MACROD2: variants seen among roughly 807,000 people sequenced by gnomAD.
The protein encoded by MACROD2 is ADP-ribose glycohydrolase MACROD2.
MACROD2 carries 36 observed loss-of-function variants against 70.4 expected under a neutral mutation model. The ratio of observed to expected loss-of-function variants is 0.51; its 90% confidence interval spans 0.39 to 0.68. The LOEUF (loss-of-function observed/expected upper bound fraction) is 0.68. Ranked by LOEUF, MACROD2 falls within the 30% of genes least tolerant of loss-of-function variation. The probability of loss-of-function intolerance (pLI) is 0.00; values close to 1 mark genes in which losing one functional copy is unlikely to be tolerated. For missense variants in MACROD2, 496 were observed against 538.4 expected, an observed-to-expected ratio of 0.92 and a Z score of 0.78; for synonymous variants, 172 against 178.8, an observed-to-expected ratio of 0.96 and a Z score of 0.30.
In MACROD2 at chr20:15,281,817, G is replaced by C. The variant is rs537821323; in HGVS notation, c.540+51756G>C. Among the ~76,000 whole-genome samples the C allele has an allele frequency of 1.5e-4, 23 of 152,316 alleles. No individual in the cohort carries two copies. The South Asian group carries it at 4.6e-3, about 30-fold the overall frequency. On this transcript the variant is annotated intron_variant, in intron 6 of 17. Transcript: ENST00000684519. Reference sequence around the variant, plus strand: ...CACAGCTCCATTAGACAGTGCCCCAGTGGGGACTCTGGAGACTCTAACCCC... The same window carrying C: ...CACAGCTCCATTAGACAGTGCCCCACTGGGGACTCTGGAGACTCTAACCCC...
chr20:14,237,593 C>T (rs1301994972), intron 3 of MACROD2, among the ~76,000 whole-genome samples: 1 of 151,148 alleles, frequency 6.6e-6, no homozygotes, highest in South Asian at 2.1e-4. Context: ...GCACAGTGTG[C>T]AGGTTAGTTA....
intron 4 of MACROD2, among the ~76,000 whole-genome samples, chr20:14,589,298 A>C (rs988210349): frequency 2.6e-5 from 4 of 152,114 alleles, no homozygotes; most frequent in Non-Finnish European, 5.9e-5. Context: ...AAAATGGTGA[A>C]TTTCTCCTTT....
intron 4 of MACROD2, among the ~76,000 whole-genome samples, chr20:14,526,021 C>T (rs1393368251): frequency 1.3e-5 from 2 of 152,068 alleles, no homozygotes; most frequent in Admixed American, 6.5e-5. Context: ...AGGCCGATAT[C>T]GGAATGTTGA....
At chr20:14,436,610 T>C (rs1023793276) in intron 3 of MACROD2, among the ~76,000 whole-genome samples, 4 of 152,166 alleles carry the variant, frequency 2.6e-5, no homozygotes, top group Non-Finnish European at 2.9e-5. Context: ...TCAGTTTTTG[T>C]TTTCCCAGCA....
chr20:15,134,115 C>T (rs1258562515), intron 5 of MACROD2, among the ~76,000 whole-genome samples: 2 of 144,814 alleles, frequency 1.4e-5, no homozygotes, highest in African/African-American at 5.1e-5. Context: ...ACCGTGTTAG[C>T]TAGGATGGTC....
chr20:14,183,124 G>T (rs534677473), intron 3 of MACROD2, among the ~76,000 whole-genome samples: 3 of 149,890 alleles, frequency 2.0e-5, no homozygotes, highest in Non-Finnish European at 4.5e-5. Context: ...CATCACCCGG[G>T]TATTAAGCCT....
chr20:15,128,949 AT>A (rs2076085804), intron 5 of MACROD2, among the ~76,000 whole-genome samples: 1 of 151,940 alleles, frequency 6.6e-6, no homozygotes. Context: ...ATTTATACTC[AT>A]TTTAATGCTT....
chr20:15,685,740 G>C (rs1320962495), intron 8 of MACROD2, among the ~76,000 whole-genome samples: 1 of 152,188 alleles, frequency 6.6e-6, no homozygotes, highest in Admixed American at 6.5e-5. Context: ...GTTCTGTCAA[G>C]TTAGGACTTT....
At chr20:15,330,564 T>G (rs191987493) in intron 6 of MACROD2, among the ~76,000 whole-genome samples, 1 of 151,568 alleles carries the variant, frequency 6.6e-6, no homozygotes, top group Non-Finnish European at 1.5e-5. Flanking sequence ...ACAAAAAATG[T>G]AGGACTGCTT....
chr20:15,331,038 C>A (rs10485524), intron 6 of MACROD2, among the ~76,000 whole-genome samples: 25,899 of 150,728 alleles, frequency 0.17, 2,709 homozygotes, highest in Non-Finnish European at 0.23. Flanking sequence ...AAGAGAAAAT[C>A]GTGACATCTT....
rs117864272 is a variant in MACROD2, at chr20:15,100,909, A to G, written c.419-129031A>G. Among the ~76,000 whole-genome samples, 136 of 152,230 alleles carry G rather than the reference A, an allele frequency of 8.9e-4. 2 individuals carry two copies. The East Asian group carries it at 0.022, about 25-fold the overall frequency. On this transcript the variant is annotated intron_variant, in intron 5 of 17. Transcript: ENST00000684519. ...GTGCTGTTTGGTTACATATTTTGAG[A>G]GGCAGAAAATGAGTGAAGAAAAAGA...
intron 5 of MACROD2, among the ~76,000 whole-genome samples, chr20:14,778,132 A>G (rs1471069230): frequency 6.6e-6 from 1 of 152,112 alleles, no homozygotes; most frequent in Non-Finnish European, 1.5e-5. Flanking sequence ...AAGTTTGTGA[A>G]TGACAGAGCC....
Position 15,914,340 on chromosome 20 carries a change from A to G in MACROD2, c.776-18936A>G, listed in dbSNP as rs112435913. 5.5e-3 allele frequency among the ~76,000 whole-genome samples: 831 copies of G among 152,332 alleles called. 1 individual carries two copies. The highest frequency in any genetic ancestry group is 0.01 in the Middle Eastern group (3 of 294). ...TCAGGCCAGTGCTGAACAGCAATGAATTTGTTAAGTTGTTTTCCGAATGCT... is the reference window on the plus strand; with the variant it reads ...TCAGGCCAGTGCTGAACAGCAATGAGTTTGTTAAGTTGTTTTCCGAATGCT... On this transcript the variant is annotated intron_variant, in intron 10 of 17. Transcript: ENST00000684519.
intron 12 of MACROD2, among the ~76,000 whole-genome samples, chr20:15,960,075 C>T (rs750018882): frequency 2.6e-5 from 4 of 152,182 alleles, no homozygotes; most frequent in Admixed American, 6.5e-5. Flanking sequence ...ATCAGTTCCT[C>T]TAGAGACTCA....
At chr20:14,888,190 T>C (rs1361585893) in intron 5 of MACROD2, 1 of 152,212 alleles carries the variant, frequency 6.6e-6, no homozygotes. Context: ...GATGGCTTCA[T>C]GTTGTCAGCT....
intron 6 of MACROD2, among the ~76,000 whole-genome samples, chr20:15,407,407 C>G (rs1285917413): frequency 2.0e-5 from 3 of 152,208 alleles, no homozygotes; most frequent in Non-Finnish European, 4.4e-5. Flanking sequence ...TACACTCTCA[C>G]TTTTCTTCTT....
intron 4 of MACROD2, among the ~76,000 whole-genome samples, chr20:14,513,205 A>T (rs2085050300): frequency 6.6e-6 from 1 of 152,116 alleles, no homozygotes; most frequent in Non-Finnish European, 1.5e-5. Flanking sequence ...CTTTGCAAGG[A>T]TATTCCCTTT....
intron 6 of MACROD2, among the ~76,000 whole-genome samples, chr20:15,324,211 A>G (rs2077903109): frequency 1.3e-5 from 2 of 152,070 alleles, no homozygotes; most frequent in African/African-American, 2.4e-5. Flanking sequence ...AAAGGGTTCA[A>G]TTTTTTACTG....
At chr20:15,093,607 T>TA (rs1485696115) in intron 5 of MACROD2, among the ~76,000 whole-genome samples, 5 of 152,276 alleles carry the variant, frequency 3.3e-5, no homozygotes, top group Middle Eastern at 6.8e-3. Context: ...TTTATTTATT[T>TA]AAAAAAGCTA....
Sources: gnomAD v4.1 joint callset for allele counts (sites outside exome capture counted in the v4.1 genomes callset) on GRCh38, gnomAD v4.1.1 for gene constraint, MANE v1.5 for transcripts, NCBI Gene and HGNC (gene_info 2026-07-23, HGNC 2026-07-21) for gene names.